The following PLD1 variants were observed in gnomAD, a reference collection of about 807,000 sequenced individuals.
PLD1 encodes the protein choline phosphatase 1.
A neutral mutation model predicts 137.1 loss-of-function variants in PLD1; 112 were observed. That is an observed-to-expected ratio of 0.82 (90% CI 0.70 to 0.96). PLD1 has a LOEUF of 0.96. Ranked by LOEUF, PLD1 falls within the 40% of genes least tolerant of loss-of-function variation. The probability of loss-of-function intolerance (pLI) is 0.00; values close to 1 mark genes in which losing one functional copy is unlikely to be tolerated. For synonymous variants in PLD1, 431 were observed against 454.7 expected, an observed-to-expected ratio of 0.95 and a Z score of 0.66; for missense variants, 1,321 against 1,342.0, an observed-to-expected ratio of 0.98 and a Z score of 0.24.
At chr3:171,746,730 T>C (rs145068765) in intron 1 of PLD1, among the ~76,000 whole-genome samples, 156 of 152,328 alleles carry the variant, frequency 1.0e-3, no homozygotes, top group African/African-American at 3.5e-3. Flanking sequence ...ATCAGCACCC[T>C]GTCAAAATGG....
intron 23 of PLD1, among the ~76,000 whole-genome samples, chr3:171,620,821 G>A (rs1733575537): frequency 1.4e-5 from 2 of 143,410 alleles, no homozygotes; most frequent in Admixed American, 1.4e-4. Context: ...CTTTGCTAAG[G>A]CAATCCAAAA....
intron 1 of PLD1, among the ~76,000 whole-genome samples, chr3:171,801,079 G>C (rs1723625340): frequency 6.6e-6 from 1 of 152,232 alleles, no homozygotes; most frequent in African/African-American, 2.4e-5. Flanking sequence ...ATAAAAGCCA[G>C]CCCATTTCAG....
Position 171,794,986 on chromosome 3 carries a change from G to A in PLD1, c.-32+15413C>T, listed in dbSNP as rs910637251. ...AGTACAATTTATAATAGACATATGC[G>A]CATGCACATTTTCTGGAGAGCTGGT... On this transcript the variant is annotated intron_variant, in intron 1 of 26. Coordinates refer to ENST00000351298, the MANE Select transcript of PLD1 (RefSeq NM_002662.5). 5.9e-5 allele frequency among the ~76,000 whole-genome samples: 9 copies of A among 152,258 alleles called. No homozygotes were observed. In the East Asian group the frequency reaches 9.6e-4, roughly 16 times the overall value.
At chr3:171,746,162 C>T (rs979358933) in intron 1 of PLD1, among the ~76,000 whole-genome samples, 2 of 152,208 alleles carry the variant, frequency 1.3e-5, no homozygotes, top group Non-Finnish European at 2.9e-5. Context: ...GCCCGAGCCC[C>T]TCCCCTCCGC....
At chr3:171,607,858 G>T (rs144371821) in intron 25 of PLD1, among the ~76,000 whole-genome samples, 158 of 152,228 alleles carry the variant, frequency 1.0e-3, no homozygotes, top group African/African-American at 3.6e-3. Context: ...GTGCATGTTT[G>T]ATTCTGTCTC....
At chr3:171,738,223 C>A in intron 1 of PLD1, 141 bp from the exon 2 acceptor site, 1 of 415,050 alleles carries the variant, frequency 2.4e-6, no homozygotes. Context: ...CCAAAACAAC[C>A]TTTTAGTTTA....
intron 23 of PLD1, among the ~76,000 whole-genome samples, chr3:171,621,620 T>C (rs538431424): frequency 5.9e-5 from 9 of 152,146 alleles, no homozygotes; most frequent in Non-Finnish European, 1.3e-4. Context: ...TAGAGATAGC[T>C]CTCCCCTCAT....
intron 23 of PLD1, 47 bp downstream of exon 23, chr3:171,642,793 C>A (rs754813523): frequency 9.7e-7 from 1 of 1,029,928 alleles, no homozygotes; most frequent in Non-Finnish European, 1.5e-6. Context: ...TGATACCTCA[C>A]CTTCATAATA....
At chr3:171,702,087 T>C (rs1355730297) in intron 11 of PLD1, among the ~76,000 whole-genome samples, 3 of 152,120 alleles carry the variant, frequency 2.0e-5, no homozygotes, top group Admixed American at 1.3e-4. Flanking sequence ...TAGAACTTGA[T>C]GAAATACAAA....
chr3:171,707,687 G>A (rs1716797454), intron 11 of PLD1, among the ~76,000 whole-genome samples: 1 of 152,166 alleles, frequency 6.6e-6, no homozygotes. Flanking sequence ...GGAACATCTA[G>A]CAATGTATGA....
At position 171,772,538 on chromosome 3, in the gene PLD1, T is replaced by C. The variant is rs541593995; in HGVS notation, c.-31-34456A>G. On this transcript the variant is annotated intron_variant, in intron 1 of 26. Transcript: ENST00000351298. Reference sequence around the variant, plus strand: ...CAGGTCAGGGCTCAAGAGGATCTCATGGGGTCACCATAGAATGAGGGGGCA... The same window carrying C: ...CAGGTCAGGGCTCAAGAGGATCTCACGGGGTCACCATAGAATGAGGGGGCA... 4.6e-5 allele frequency among the ~76,000 whole-genome samples: 7 copies of C among 152,230 alleles called. No homozygotes were observed. In the South Asian group the frequency reaches 1.2e-3, roughly 27 times the overall value.
intron 23 of PLD1, among the ~76,000 whole-genome samples, chr3:171,632,111 C>A (rs181581678): frequency 6.6e-6 from 1 of 152,014 alleles, no homozygotes; most frequent in Non-Finnish European, 1.5e-5. Context: ...GCTATGTTAC[C>A]GTAAGAACAC....
At position 171,687,560 on chromosome 3, in the gene PLD1, A is replaced by T. The variant is rs1382000337; in HGVS notation, c.1564T>A (p.Ser522Thr). 3.1e-6 allele frequency: 5 copies of T among 1,613,814 alleles called. No homozygotes were observed. Among genetic ancestry groups the T allele is most frequent in the African/African-American group, 1.3e-5 (1 of 74,900 alleles). ...TCATTTTTATCTTTGAGTCTTAAGG[A>T]TTCCATAGACTCCATTGCGGCAGGC... The part of the protein sequence containing the change: ...LPPAAMESME[S>T]LRLKDKNEPV... The change falls in exon 15 of 27, where the codon TCC becomes ACC. Residue 522 changes from serine (S) to threonine (T), a missense_variant. By Grantham distance (58) the Ser-to-Thr change is moderately conservative (BLOSUM62 1). Transcript: ENST00000351298.
chr3:171,810,355 C>T (rs1052172362), intron 1 of PLD1, 44 bp downstream of exon 1: 2 of 152,110 alleles, frequency 1.3e-5, no homozygotes, highest in Non-Finnish European at 2.9e-5. Flanking sequence ...GGAAACCCGG[C>T]TCCCACGGGC....
intron 12 of PLD1, among the ~76,000 whole-genome samples, chr3:171,695,037 G>GATATTAGTTAATTATC (rs1715553569): frequency 6.6e-6 from 1 of 152,162 alleles, no homozygotes; most frequent in Admixed American, 6.5e-5. Flanking sequence ...GTTAATTAGT[G>GATATTAGTTAATTATC]ACAAGATTCC....
chr3:171,670,745 T>G (rs1712659035), intron 19 of PLD1, among the ~76,000 whole-genome samples: 1 of 152,220 alleles, frequency 6.6e-6, no homozygotes, highest in African/African-American at 2.4e-5. Context: ...ACTTAGATAT[T>G]TTCCTTTTCT....
chr3:171,616,917 G>A (rs1733160139), intron 24 of PLD1, among the ~76,000 whole-genome samples: 1 of 152,196 alleles, frequency 6.6e-6, no homozygotes, highest in Non-Finnish European at 1.5e-5. Flanking sequence ...TTGTTTTGAA[G>A]GAAAACTGGT....
At chr3:171,702,195 C>CA (rs1201045752) in intron 11 of PLD1, among the ~76,000 whole-genome samples, 1 of 151,806 alleles carries the variant, frequency 6.6e-6, no homozygotes, top group African/African-American at 2.4e-5. Flanking sequence ...AAATAAATGA[C>CA]AAAAAAATGA....
chr3:171,633,686 T>C (rs9847979), intron 23 of PLD1, among the ~76,000 whole-genome samples: 12,055 of 152,158 alleles, frequency 0.079, 1,358 homozygotes, highest in African/African-American at 0.25. Flanking sequence ...TATAAGGAAA[T>C]TTCGTGAAAG....
Sources: gnomAD v4.1 joint callset for allele counts (sites outside exome capture counted in the v4.1 genomes callset) on GRCh38, gnomAD v4.1.1 for gene constraint, MANE v1.5 for transcripts, NCBI Gene and HGNC (gene_info 2026-07-23, HGNC 2026-07-21) for gene names.